The following UBTD2 variants were observed in gnomAD, a reference collection of about 807,000 sequenced individuals.
UBTD2 encodes ubiquitin domain containing 2.
A neutral mutation model predicts 19.8 loss-of-function variants in UBTD2; 9 were observed. The ratio of observed to expected loss-of-function variants is 0.46; its 90% CI spans 0.27 to 0.79. UBTD2 has a LOEUF of 0.79. Ranked by LOEUF, UBTD2 falls within the 30% of genes least tolerant of loss-of-function variation. UBTD2 has a pLI of 0.14. For synonymous variants in UBTD2, 98 were observed against 103.9 expected, an observed-to-expected ratio of 0.94 and a Z score of 0.35; for missense variants, 250 against 300.4, an observed-to-expected ratio of 0.83 and a Z score of 1.24.
At position 172,211,925 on chromosome 5, in the gene UBTD2, T is replaced by G. The variant is rs1561847027; in HGVS notation, c.610A>C (p.Lys204Gln). The stretch of plus-strand genomic sequence containing the variant: ...ATCTTCAGCTCTTCGAACTTCATTT[T>G]GTCAGTGAGAGGTCTGCCAGAAAAA... ...WFFSGRPLTDKMKFEELKIPK... is the reference protein window; with the variant it reads ...WFFSGRPLTDQMKFEELKIPK... Residue 204 changes from lysine to glutamine, a missense_variant, in exon 3 of 3, where the codon AAA becomes CAA. Lys to Gln is a moderately conservative substitution (Grantham distance 53). Coordinates refer to ENST00000393792, the MANE Select transcript of UBTD2 (RefSeq NM_152277.3). The G allele has an allele frequency of 1.2e-6, 2 of 1,614,244 alleles. No individual in the cohort carries two copies. Among genetic ancestry groups the G allele is most frequent in the Non-Finnish European group, 1.7e-6 (2 of 1,180,034 alleles).
chr5:172,228,587 GCT>G (rs1771819587), intron 2 of UBTD2, among the ~76,000 whole-genome samples: 1 of 152,074 alleles, frequency 6.6e-6, no homozygotes, highest in South Asian at 2.1e-4. Context: ...TGGGCGTGGT[GCT>G]GCACGCCTGT....
intron 2 of UBTD2, among the ~76,000 whole-genome samples, chr5:172,232,753 G>A (rs1383690941): frequency 6.6e-6 from 1 of 152,098 alleles, no homozygotes; most frequent in Non-Finnish European, 1.5e-5. Context: ...GCATGGTGAT[G>A]CGTGCCTGTA....
At chr5:172,242,424 T>C (rs1772150873) in intron 1 of UBTD2, 1 of 985,314 alleles carries the variant, frequency 1.0e-6, no homozygotes, top group South Asian at 4.7e-5. Flanking sequence ...GTGTTGTCAT[T>C]TGATGTAGGC....
intron 1 of UBTD2, among the ~76,000 whole-genome samples, chr5:172,249,841 GA>G (rs1050708581): frequency 3.9e-5 from 6 of 152,184 alleles, no homozygotes; most frequent in Non-Finnish European, 7.3e-5. Flanking sequence ...AATTAATGCA[GA>G]AAAACATCAG....
chr5:172,273,686 C>T lies in UBTD2; in HGVS notation c.70+9910G>A, dbSNP rs1035540196. Among the ~76,000 whole-genome samples, 16 of 150,320 alleles carry T rather than the reference C, an allele frequency of 1.1e-4. No homozygotes were observed. The East Asian group carries it at 1.8e-3, about 17-fold the overall frequency. On this transcript the variant is annotated intron_variant, in intron 1 of 2. Transcript: ENST00000393792. The stretch of plus-strand genomic sequence containing the variant: ...TGAAAATGGAGTGGGACTAGCCCAA[C>T]GGAAGGTAGATGATCAGGAAGCAGC...
intron 1 of UBTD2, among the ~76,000 whole-genome samples, chr5:172,280,282 G>A (rs973135362): frequency 2.6e-5 from 4 of 150,962 alleles, no homozygotes; most frequent in Non-Finnish European, 4.4e-5. Context: ...ACAGGTGGGC[G>A]GATTACTTAA....
chr5:172,251,176 G>A (rs956270412), intron 1 of UBTD2, among the ~76,000 whole-genome samples: 28 of 150,846 alleles, frequency 1.9e-4, no homozygotes, highest in Non-Finnish European at 8.9e-5. Flanking sequence ...AAAATTGGCC[G>A]GGCGTGGTTG....
chr5:172,224,702 A>G (rs1771726853), intron 2 of UBTD2, among the ~76,000 whole-genome samples: 1 of 152,090 alleles, frequency 6.6e-6, no homozygotes. Flanking sequence ...CCCCATCATG[A>G]TTGTAAGTTT....
At chr5:172,261,755 G>A (rs1185573188) in intron 1 of UBTD2, among the ~76,000 whole-genome samples, 1 of 152,034 alleles carries the variant, frequency 6.6e-6, no homozygotes, top group East Asian at 1.9e-4. Context: ...CTCCTTAGTA[G>A]CTGGGATTAC....
Position 172,211,722 on chromosome 5 carries a change from T to G in UBTD2, c.*108A>C. On this transcript the variant is annotated 3_prime_UTR_variant, in exon 3 of 3. Coordinates refer to ENST00000393792, the MANE Select transcript of UBTD2 (RefSeq NM_152277.3). ...AATTCCTCAGAACTAAATCCATTCA[T>G]AGGGAATTTAGAGCAGTGAAATAGA... 1.7e-6 allele frequency: 2 copies of G among 1,206,380 alleles called. No homozygotes were observed. The highest frequency in any genetic ancestry group is 2.2e-6 in the Non-Finnish European group (2 of 896,312). 74.7% of individuals were successfully genotyped at this position (1,206,380 alleles called of 1,614,324 possible). A position where few individuals can be genotyped will look rare whatever the true frequency, so the allele number is the denominator to read the frequency against.
chr5:172,254,997 G>A, intron 1 of UBTD2: 1 of 560,558 alleles, frequency 1.8e-6, no homozygotes, highest in South Asian at 1.5e-5. Flanking sequence ...ACCACCACCG[G>A]CTGGATGACC....
intron 1 of UBTD2, among the ~76,000 whole-genome samples, chr5:172,270,500 C>T (rs571111168): frequency 6.6e-5 from 10 of 151,710 alleles, no homozygotes; most frequent in South Asian, 2.1e-4. Context: ...GGACTACAGG[C>T]GCCCACCACC....
At position 172,276,404 on chromosome 5, in the gene UBTD2, C is replaced by T. The variant is rs553158497; in HGVS notation, c.70+7192G>A. ...CTCACACACACTGCTCAAGCCAAAG[C>T]AGCCACTTTACCAACGATTACCCCA... On this transcript the variant is annotated intron_variant, in intron 1 of 2. Coordinates refer to ENST00000393792, the MANE Select transcript of UBTD2 (RefSeq NM_152277.3). 2.0e-5 allele frequency among the ~76,000 whole-genome samples: 3 copies of T among 152,360 alleles called. No individual in the cohort carries two copies. In the South Asian group the frequency reaches 6.2e-4, roughly 32 times the overall value.
chr5:172,219,365 C>A (rs764459298), intron 2 of UBTD2, among the ~76,000 whole-genome samples: 8 of 152,226 alleles, frequency 5.3e-5, no homozygotes, highest in Non-Finnish European at 8.8e-5. Flanking sequence ...CAGAATCACA[C>A]AATTCACAAG....
rs906063114 is a variant in UBTD2 at position 172,209,890 on chromosome 5, C to G, written c.*1940G>C. The G allele has an allele frequency of 1.3e-5, 2 of 152,512 alleles. No homozygotes were observed. The highest frequency in any genetic ancestry group is 4.8e-5 in the African/African-American group (2 of 41,418). 9.4% of individuals were successfully genotyped at this position (152,512 alleles called of 1,614,324 possible). On this transcript the variant is annotated 3_prime_UTR_variant, in exon 3 of 3. Transcript: ENST00000393792. ...CAACAAAGAAAGACCTTTTACCAAT[C>G]GATATCATAGATATTGATGACATCA... is the stretch of plus-strand genomic sequence containing the variant.
chr5:172,212,408 A>G (rs1489162179), intron 2 of UBTD2, among the ~76,000 whole-genome samples, 181 bp from the exon 3 acceptor site: 1 of 152,196 alleles, frequency 6.6e-6, no homozygotes, highest in Non-Finnish European at 1.5e-5. Flanking sequence ...TTAATTTTAT[A>G]TGAACCAGAA....
chr5:172,242,887 A>G (rs921956202), intron 1 of UBTD2, among the ~76,000 whole-genome samples: 3 of 152,172 alleles, frequency 2.0e-5, no homozygotes, highest in African/African-American at 7.2e-5. Flanking sequence ...GTCTTCCCTC[A>G]TTCCCTTTTT....
chr5:172,222,083 GT>G (rs775012337), intron 2 of UBTD2, among the ~76,000 whole-genome samples: 1 of 151,864 alleles, frequency 6.6e-6, no homozygotes, highest in Non-Finnish European at 1.5e-5. Context: ...AAGTCTATAG[GT>G]TTATGGGTTA....
Position 172,210,852 on chromosome 5 carries a change from A to G in UBTD2, c.*978T>C, listed in dbSNP as rs1771429384. On this transcript the variant is annotated 3_prime_UTR_variant, in exon 3 of 3. Coordinates refer to ENST00000393792, the MANE Select transcript of UBTD2 (RefSeq NM_152277.3). ...CCCTCCATGCAAAGTGGAGGAAATC[A>G]TTTACTTTATTAACTTGAGTGGGAA... 1 of 152,076 alleles carries G rather than the reference A, an allele frequency of 6.6e-6. No individual in the cohort carries two copies. Among genetic ancestry groups the G allele is most frequent in the Non-Finnish European group, 1.5e-5 (1 of 68,022 alleles). 9.4% of individuals were successfully genotyped at this position (152,076 alleles called of 1,614,324 possible).
Sources: gnomAD v4.1 joint callset for allele counts (sites outside exome capture counted in the v4.1 genomes callset) on GRCh38, gnomAD v4.1.1 for gene constraint, MANE v1.5 for transcripts, NCBI Gene and HGNC (gene_info 2026-07-23, HGNC 2026-07-21) for gene names.